The following RAB27B variants were observed in gnomAD, a reference collection of about 807,000 sequenced individuals.
The protein encoded by RAB27B is ras-related protein Rab-27B.
Under a neutral mutation model 24.6 loss-of-function variants are expected in RAB27B, and 15 were observed. The observed-to-expected ratio is 0.61, with a 90% CI of 0.41 to 0.94. The LOEUF (loss-of-function observed/expected upper bound fraction) is 0.94, where lower values mean the gene tolerates loss of function less well. Among genes scored for constraint, RAB27B ranks in the 40% least tolerant of loss-of-function variants. RAB27B has a pLI of 0.00. For missense variants in RAB27B, 261 were observed against 266.8 expected (o/e 0.98, Z 0.15); for synonymous variants, 105 against 92.5 (o/e 1.14, Z -0.78).
chr18:54,834,331 A>T (rs1833283), intron 1 of RAB27B, among the ~76,000 whole-genome samples: 96,598 of 152,032 alleles, frequency 0.64, 33,134 homozygotes, highest in East Asian at 0.91. Flanking sequence ...GGTGGGATTT[A>T]AATCAAACCA....
upstream of RAB27B, among the ~76,000 whole-genome samples, chr18:54,827,637 C>G (rs1213331541): frequency 6.6e-6 from 1 of 152,142 alleles, no homozygotes; most frequent in Non-Finnish European, 1.5e-5. Flanking sequence ...AATTAAAATT[C>G]AAGCAGTCAT....
At chr18:54,723,137 G>A (rs899659602) in intron 2 of RAB27B, among the ~76,000 whole-genome samples, 3 of 152,182 alleles carry the variant, frequency 2.0e-5, no homozygotes, top group Admixed American at 1.3e-4. Flanking sequence ...GCTAAAATGT[G>A]TCCTTGTTCA....
At chr18:54,877,247 G>A (rs1016506628) in intron 1 of RAB27B, among the ~76,000 whole-genome samples, 1 of 152,190 alleles carries the variant, frequency 6.6e-6, no homozygotes, top group Non-Finnish European at 1.5e-5. Context: ...GGAACTATGA[G>A]TCAAACCTCA....
At chr18:54,797,229 G>A (rs74372183) in intron 2 of RAB27B, among the ~76,000 whole-genome samples, 18,756 of 152,228 alleles carry the variant, frequency 0.12, 1,459 homozygotes, top group Non-Finnish European at 0.17. Flanking sequence ...AAAAGTGGCC[G>A]GACACAGTGG....
chr18:54,879,363 T>G lies in RAB27B; in HGVS notation c.154-6T>G. 1 of 1,606,656 alleles carries G rather than the reference T, an allele frequency of 6.2e-7. No homozygotes were observed. The highest frequency in any genetic ancestry group is 8.5e-7 in the Non-Finnish European group (1 of 1,173,350). On this transcript the variant is annotated splice_region_variant and splice_polypyrimidine_tract_variant and intron_variant, in intron 2 of 5. Coordinates refer to ENST00000262094, the MANE Select transcript of RAB27B (RefSeq NM_004163.4). Reference sequence around the variant, plus strand: ...AACCTCAACTAATGAACGTTGTATCTTTCAGGTTTATAATGCACAAGGACC... The same window carrying G: ...AACCTCAACTAATGAACGTTGTATCGTTCAGGTTTATAATGCACAAGGACC...
At chr18:54,816,780 G>A (rs1023272200) in intron 2 of RAB27B, among the ~76,000 whole-genome samples, 5 of 152,124 alleles carry the variant, frequency 3.3e-5, no homozygotes, top group Non-Finnish European at 5.9e-5. Context: ...ACCAGCAATA[G>A]CCAAGGCATT....
intron 2 of RAB27B, among the ~76,000 whole-genome samples, chr18:54,792,117 G>A (rs1909266702): frequency 6.6e-6 from 1 of 152,174 alleles, no homozygotes; most frequent in Non-Finnish European, 1.5e-5. Context: ...GTTAACACAA[G>A]CCACCTGTAG....
intron 1 of RAB27B, among the ~76,000 whole-genome samples, chr18:54,858,377 G>GTT (rs4071703): frequency 1.5e-3 from 198 of 127,754 alleles, no homozygotes; most frequent in African/African-American, 5.6e-3. Context: ...CAGGAAAACT[G>GTT]TTTTTTTTTT....
Position 54,877,654 on chromosome 18 carries a change from A to G in RAB27B, c.69A>G (p.Thr23=), listed in dbSNP as rs372655647. ...LALGDSGVGK[T]TFLYRYTDNK... ...TCGGGGATTCAGGGGTGGGGAAGAC[A>G]ACATTTCTTTATAGATACACAGATA... The change falls in exon 2 of 6, where the codon ACA becomes ACG. Residue 23 remains threonine (T), a synonymous_variant. Coordinates refer to ENST00000262094, the MANE Select transcript of RAB27B (RefSeq NM_004163.4). The G allele has an allele frequency of 1.5e-5, 24 of 1,598,004 alleles. No homozygotes were observed. Among genetic ancestry groups the G allele is most frequent in the Non-Finnish European group, 2.0e-5 (23 of 1,175,314 alleles).
At chr18:54,813,150 C>T (rs987621650) in intron 2 of RAB27B, among the ~76,000 whole-genome samples, 1 of 152,082 alleles carries the variant, frequency 6.6e-6, no homozygotes, top group Non-Finnish European at 1.5e-5. Flanking sequence ...AAGGGGTTTT[C>T]TTTACTCTTT....
intron 2 of RAB27B, among the ~76,000 whole-genome samples, chr18:54,760,882 G>A (rs1908165121): frequency 6.6e-6 from 1 of 152,006 alleles, no homozygotes; most frequent in Admixed American, 6.6e-5. Flanking sequence ...AAAGGTCTTT[G>A]AATAATACTC....
At chr18:54,785,351 C>G (rs555809834) in intron 2 of RAB27B, among the ~76,000 whole-genome samples, 1 of 151,622 alleles carries the variant, frequency 6.6e-6, no homozygotes, top group Admixed American at 6.6e-5. Flanking sequence ...ATCTGCCTGT[C>G]TCGGCCTCCC....
At chr18:54,726,957 T>C (rs977435711) in intron 2 of RAB27B, among the ~76,000 whole-genome samples, 1 of 152,212 alleles carries the variant, frequency 6.6e-6, no homozygotes, top group African/African-American at 2.4e-5. Context: ...AATAAGATTT[T>C]AGTTTTTTAA....
chr18:54,882,172 C>A (rs965744558), intron 3 of RAB27B, among the ~76,000 whole-genome samples: 1 of 152,096 alleles, frequency 6.6e-6, no homozygotes, highest in African/African-American at 2.4e-5. Flanking sequence ...ACAGACAAAT[C>A]CTACTTTGGA....
At chr18:54,744,596 A>G (rs1910175898) in intron 2 of RAB27B, among the ~76,000 whole-genome samples, 1 of 152,240 alleles carries the variant, frequency 6.6e-6, no homozygotes. Flanking sequence ...TATACATTGT[A>G]TACATGTATT....
intron 1 of RAB27B, among the ~76,000 whole-genome samples, chr18:54,841,918 C>T (rs1911135580): frequency 6.6e-6 from 1 of 152,146 alleles, no homozygotes; most frequent in Non-Finnish European, 1.5e-5. Context: ...TAAAATGGCT[C>T]ACAATTAAGG....
intron 2 of RAB27B, among the ~76,000 whole-genome samples, chr18:54,723,317 T>A (rs1481127069): frequency 6.6e-6 from 1 of 152,234 alleles, no homozygotes; most frequent in Admixed American, 6.5e-5. Flanking sequence ...CTTGATCTAC[T>A]TGGGGCCTAT....
At chr18:54,798,602 GTTC>G (rs750013621) in intron 2 of RAB27B, among the ~76,000 whole-genome samples, 6 of 152,208 alleles carry the variant, frequency 3.9e-5, no homozygotes, top group Admixed American at 6.5e-5. Context: ...CACTAGGGAA[GTTC>G]TTCTGTGTGT....
At chr18:54,804,747 CA>C (rs1243243790) in intron 2 of RAB27B, among the ~76,000 whole-genome samples, 1 of 152,084 alleles carries the variant, frequency 6.6e-6, no homozygotes, top group East Asian at 1.9e-4. Flanking sequence ...GACAACTGGC[CA>C]AACTTGAATG....
Sources: gnomAD v4.1 joint callset for allele counts (sites outside exome capture counted in the v4.1 genomes callset) on GRCh38, gnomAD v4.1.1 for gene constraint, MANE v1.5 for transcripts, NCBI Gene and HGNC (gene_info 2026-07-23, HGNC 2026-07-21) for gene names.